THEMIS: variants seen among roughly 807,000 people sequenced by gnomAD.
THEMIS encodes the protein protein THEMIS.
Under a neutral mutation model 52.6 loss-of-function variants are expected in THEMIS, and 37 were observed. That is an observed-to-expected ratio of 0.70 (90% CI 0.54 to 0.93). The LOEUF is 0.93. Ranked by LOEUF, THEMIS falls within the 40% of genes least tolerant of loss-of-function variation. The probability of loss-of-function intolerance (pLI) is 0.00; values close to 1 mark genes in which losing one functional copy is unlikely to be tolerated. For synonymous variants in THEMIS, 292 were observed against 272.7 expected (o/e 1.07, Z -0.70); for missense variants, 808 against 763.1 (o/e 1.06, Z -0.69).
intron 4 of THEMIS, among the ~76,000 whole-genome samples, chr6:127,774,709 C>A (rs1372434484): frequency 6.6e-6 from 1 of 152,182 alleles, no homozygotes; most frequent in African/African-American, 2.4e-5. Context: ...GCATTTTCCT[C>A]TCACTTTCAA....
At chr6:127,911,567 A>G (rs1781411794) in intron 1 of THEMIS, among the ~76,000 whole-genome samples, 1 of 151,448 alleles carries the variant, frequency 6.6e-6, no homozygotes, top group Non-Finnish European at 1.5e-5. Context: ...ATATTTCTAC[A>G]TGTATTCATC....
intron 4 of THEMIS, among the ~76,000 whole-genome samples, chr6:127,756,817 A>G (rs529211693): frequency 2.0e-5 from 3 of 152,304 alleles, no homozygotes; most frequent in Non-Finnish European, 4.4e-5. Context: ...ACCACAATTA[A>G]TCTGGGATTG....
Position 127,708,270 on chromosome 6 carries a change from TC to T in THEMIS, c.*1714del, listed in dbSNP as rs1348839402. ...GTGAGCATGAAGTTTATTACACTTTTCAATATCAAGACAACTGGAAACACAG... is the reference window on the plus strand; with the variant it reads ...GTGAGCATGAAGTTTATTACACTTTTAATATCAAGACAACTGGAAACACAG... On this transcript the variant is annotated 3_prime_UTR_variant, in exon 6 of 6. Coordinates refer to ENST00000368248, the MANE Select transcript of THEMIS (RefSeq NM_001010923.3). 6.6e-6 allele frequency: 1 copy of T among 152,128 alleles called. No individual in the cohort carries two copies. The highest frequency in any genetic ancestry group is 1.5e-5 in the Non-Finnish European group (1 of 68,004). 9.4% of individuals were successfully genotyped at this position (152,128 alleles called of 1,614,324 possible). A position where few individuals can be genotyped will look rare whatever the true frequency, so the allele number is the denominator to read the frequency against.
chr6:127,788,269 C>T (rs1448598814), intron 4 of THEMIS, among the ~76,000 whole-genome samples: 1 of 152,158 alleles, frequency 6.6e-6, no homozygotes, highest in South Asian at 2.1e-4. Flanking sequence ...GGTCTTTCCT[C>T]AAAAAGATTG....
At chr6:127,806,832 C>T (rs1777727351) in intron 4 of THEMIS, among the ~76,000 whole-genome samples, 1 of 152,178 alleles carries the variant, frequency 6.6e-6, no homozygotes, top group Non-Finnish European at 1.5e-5. Flanking sequence ...CCGTATGTGC[C>T]ATTGGGCACA....
intron 4 of THEMIS, among the ~76,000 whole-genome samples, chr6:127,747,620 T>C (rs1198667978): frequency 6.6e-6 from 1 of 151,722 alleles, no homozygotes; most frequent in Non-Finnish European, 1.5e-5. Context: ...TGTTTGTTTA[T>C]CCTTTTAAAA....
chr6:127,722,577 C>A (rs1336842923), intron 4 of THEMIS, among the ~76,000 whole-genome samples: 2 of 151,924 alleles, frequency 1.3e-5, no homozygotes, highest in East Asian at 3.9e-4. Flanking sequence ...TACCTTCTTA[C>A]CCTGACGAAA....
At position 127,813,067 on chromosome 6, in the gene THEMIS, G is replaced by T. The variant is rs764902397; in HGVS notation, c.1574C>A (p.Pro525Gln). Residue 525 changes from proline to glutamine, a missense_variant, in exon 4 of 6, where the codon CCA becomes CAA. Physicochemically the swap from Pro to Gln is moderately conservative, Grantham distance 76. Coordinates refer to ENST00000368248, the MANE Select transcript of THEMIS (RefSeq NM_001010923.3). The stretch of plus-strand genomic sequence containing the variant: ...TTCTACCAGAGTCCTGACTAGAAAT[G>T]GTTCTGCATCCCTAGAGAAATTACT... ...LVSNFSRDAE[P>Q]FLVRTLVEEI... 9 of 1,614,070 alleles carry T rather than the reference G, an allele frequency of 5.6e-6. No homozygotes were observed. Among genetic ancestry groups the T allele is most frequent in the Non-Finnish European group, 7.6e-6 (9 of 1,180,018 alleles).
intron 4 of THEMIS, among the ~76,000 whole-genome samples, chr6:127,801,279 A>C (rs1179683528): frequency 6.6e-6 from 1 of 152,178 alleles, no homozygotes; most frequent in Non-Finnish European, 1.5e-5. Context: ...AAAGTGATGA[A>C]TGAAATCGAG....
At chr6:127,837,199 A>G (rs1778899898) in intron 2 of THEMIS, among the ~76,000 whole-genome samples, 1 of 152,086 alleles carries the variant, frequency 6.6e-6, no homozygotes, top group African/African-American at 2.4e-5. Flanking sequence ...ATGAAAACTT[A>G]CCATATCATC....
At chr6:127,767,849 A>G (rs2114421160) in intron 4 of THEMIS, among the ~76,000 whole-genome samples, 1 of 150,714 alleles carries the variant, frequency 6.6e-6, no homozygotes, top group East Asian at 1.9e-4. Context: ...ACAAGTGAGT[A>G]ATGTGTTGCA....
chr6:127,900,700 G>T (rs1410570239), intron 1 of THEMIS, 142 bp downstream of exon 1: 11 of 695,702 alleles, frequency 1.6e-5, no homozygotes, highest in Non-Finnish European at 2.5e-5. Flanking sequence ...CGATTCGTTG[G>T]TCAGTTCATT....
At chr6:127,915,197 C>T (rs1221642408) in intron 1 of THEMIS, among the ~76,000 whole-genome samples, 1 of 150,832 alleles carries the variant, frequency 6.6e-6, no homozygotes, top group Non-Finnish European at 1.5e-5. Context: ...GGAAAAAAAA[C>T]AAAATTGAAA....
chr6:127,752,093 TCAAAACGTGTCTTGGGA>T (rs1299427339), intron 4 of THEMIS, among the ~76,000 whole-genome samples: 4 of 151,502 alleles, frequency 2.6e-5, no homozygotes, highest in Non-Finnish European at 4.4e-5. Context: ...AAAAGGGATA[TCAAAACGTGTCTTGGGA>T]CAAACAAAAA....
At chr6:127,725,024 C>T (rs1406100385) in intron 4 of THEMIS, among the ~76,000 whole-genome samples, 4 of 152,034 alleles carry the variant, frequency 2.6e-5, no homozygotes, top group Non-Finnish European at 5.9e-5. Context: ...TACAAAGGAC[C>T]TCTCTTAGCC....
intron 4 of THEMIS, among the ~76,000 whole-genome samples, chr6:127,726,172 C>G (rs1774539599): frequency 6.6e-6 from 1 of 152,124 alleles, no homozygotes; most frequent in South Asian, 2.1e-4. Context: ...CAGAATCTTT[C>G]TTTTGTGCTT....
At chr6:127,731,427 C>A (rs1026933009) in intron 4 of THEMIS, among the ~76,000 whole-genome samples, 5 of 151,840 alleles carry the variant, frequency 3.3e-5, no homozygotes, top group African/African-American at 4.8e-5. Context: ...ATAGAAAAAT[C>A]TCCCTCAACT....
chr6:127,834,764 A>G (rs1293287682), intron 2 of THEMIS, among the ~76,000 whole-genome samples: 1 of 152,104 alleles, frequency 6.6e-6, no homozygotes, highest in Admixed American at 6.5e-5. Flanking sequence ...TCCCAGTAAC[A>G]TTTAAACTCC....
At chr6:127,738,908 T>C (rs1775099914) in intron 4 of THEMIS, among the ~76,000 whole-genome samples, 1 of 152,196 alleles carries the variant, frequency 6.6e-6, no homozygotes. Context: ...GTGTATTATA[T>C]TAGTTTCCTA....
Sources: allele counts gnomAD v4.1 joint callset (sites outside exome capture counted in the v4.1 genomes callset), GRCh38; gene constraint gnomAD v4.1.1; transcripts MANE v1.5; gene names NCBI Gene and HGNC (gene_info 2026-07-23, HGNC 2026-07-21).